Variants in TAFA2 observed in about 807,000 individuals in gnomAD.
The protein encoded by TAFA2 is TAFA chemokine like family member 2.
In TAFA2, 7 loss-of-function variants were observed where a neutral mutation model predicts 18.8. The observed-to-expected ratio is 0.37, with a 90% confidence interval of 0.21 to 0.70. The LOEUF (loss-of-function observed/expected upper bound fraction) is 0.70. TAFA2 is among the 30% of genes least tolerant of loss of function. The pLI, the probability that TAFA2 is intolerant of heterozygous loss-of-function variation, is 0.53. For missense variants in TAFA2, 122 were observed against 158.1 expected (o/e 0.77, Z 1.23); for synonymous variants, 60 against 54.2 (o/e 1.11, Z -0.47).
chr12:62,130,858 A>G (rs769221133), intron 1 of TAFA2, among the ~76,000 whole-genome samples: 5 of 152,002 alleles, frequency 3.3e-5, no homozygotes, highest in Non-Finnish European at 7.4e-5. Flanking sequence ...AGAAAATGGC[A>G]TGTTGAATAA....
At chr12:61,890,020 C>T (rs1036601457) in intron 1 of TAFA2, among the ~76,000 whole-genome samples, 1 of 152,188 alleles carries the variant, frequency 6.6e-6, no homozygotes, top group East Asian at 1.9e-4. Flanking sequence ...AAAATGAACA[C>T]CAAAAATAGC....
At chr12:61,755,072 T>C in intron 2 of TAFA2, 48 bp from the exon 3 acceptor site, 1 of 1,589,298 alleles carries the variant, frequency 6.3e-7, no homozygotes, top group Non-Finnish European at 8.6e-7. Context: ...CTTTGGACAC[T>C]TCCCCCCACC....
chr12:62,122,728 T>A (rs578241297), intron 1 of TAFA2, among the ~76,000 whole-genome samples: 1 of 152,180 alleles, frequency 6.6e-6, no homozygotes, highest in Non-Finnish European at 1.5e-5. Flanking sequence ...CCACTCACTG[T>A]TCCATATAAC....
intron 4 of TAFA2, among the ~76,000 whole-genome samples, chr12:61,733,492 G>T (rs111335439): frequency 1.3e-4 from 19 of 151,278 alleles, no homozygotes; most frequent in African/African-American, 4.4e-4. Flanking sequence ...TCTACATATG[G>T]CTAGCCAGTT....
At chr12:61,942,064 T>C (rs1878050470) in intron 1 of TAFA2, among the ~76,000 whole-genome samples, 1 of 151,628 alleles carries the variant, frequency 6.6e-6, no homozygotes, top group South Asian at 2.1e-4. Context: ...TCTGAAAGCC[T>C]TGAAGAGAGC....
chr12:62,161,582 T>C (rs950675366), intron 1 of TAFA2, among the ~76,000 whole-genome samples: 2 of 152,132 alleles, frequency 1.3e-5, no homozygotes, highest in Non-Finnish European at 2.9e-5. Context: ...TGCTGAGAGA[T>C]GACTTAATGG....
chr12:62,056,973 A>G (rs1882204145), intron 1 of TAFA2, among the ~76,000 whole-genome samples: 1 of 152,206 alleles, frequency 6.6e-6, no homozygotes, highest in African/African-American at 2.4e-5. Flanking sequence ...TTAGTCTCTC[A>G]TGCTGTCCTT....
intron 2 of TAFA2, among the ~76,000 whole-genome samples, chr12:61,783,216 A>G (rs559762296): frequency 3.3e-5 from 5 of 151,832 alleles, no homozygotes; most frequent in Non-Finnish European, 5.9e-5. Flanking sequence ...TCAGAAATAG[A>G]AAAAAACAAA....
intron 1 of TAFA2, among the ~76,000 whole-genome samples, chr12:62,163,341 AG>A (rs1425628726): frequency 6.6e-6 from 1 of 152,120 alleles, no homozygotes; most frequent in Non-Finnish European, 1.5e-5. Context: ...CATTGCTCTT[AG>A]GAGCTGGGTT....
At chr12:62,040,013 T>C (rs1461291221) in intron 1 of TAFA2, among the ~76,000 whole-genome samples, 2 of 152,188 alleles carry the variant, frequency 1.3e-5, no homozygotes, top group African/African-American at 2.4e-5. Context: ...CTTCTAGATG[T>C]TCATTTTAAT....
intron 4 of TAFA2, among the ~76,000 whole-genome samples, chr12:61,728,806 T>C: frequency 6.6e-6 from 1 of 151,976 alleles, no homozygotes; most frequent in Non-Finnish European, 1.5e-5. Context: ...ACCTTGATTT[T>C]TTTTTCATTG....
At chr12:62,184,388 C>T (rs1592388665) in intron 1 of TAFA2, among the ~76,000 whole-genome samples, 2 of 151,914 alleles carry the variant, frequency 1.3e-5, no homozygotes, top group Admixed American at 1.3e-4. Flanking sequence ...GCTAGATTTT[C>T]CTTGACTTCC....
chr12:61,930,462 T>G (rs1381034615), intron 1 of TAFA2, among the ~76,000 whole-genome samples: 6 of 152,202 alleles, frequency 3.9e-5, no homozygotes, highest in Non-Finnish European at 7.3e-5. Flanking sequence ...ACATGGATTG[T>G]CACATTCCTC....
At chr12:61,752,120 A>G (rs12424427) in intron 4 of TAFA2, among the ~76,000 whole-genome samples, 15,838 of 152,020 alleles carry the variant, frequency 0.1, 1,050 homozygotes, top group East Asian at 0.2. Context: ...GTTACATAAC[A>G]TTTGGAAGTT....
intron 1 of TAFA2, among the ~76,000 whole-genome samples, chr12:62,014,927 C>T (rs11174282): frequency 0.092 from 14,010 of 152,178 alleles, 789 homozygotes; most frequent in Middle Eastern, 0.2. Context: ...TCCATTTCAT[C>T]GTGGCAAATT....
At chr12:61,988,026 C>T (rs927467121) in intron 1 of TAFA2, among the ~76,000 whole-genome samples, 1 of 152,082 alleles carries the variant, frequency 6.6e-6, no homozygotes, top group Admixed American at 6.6e-5. Context: ...ATATGTGCTG[C>T]TGATGGATAC....
chr12:62,093,336 A>C (rs1463022898), intron 1 of TAFA2, among the ~76,000 whole-genome samples: 2 of 152,028 alleles, frequency 1.3e-5, no homozygotes, highest in Non-Finnish European at 2.9e-5. Flanking sequence ...TGGGTTTATC[A>C]AGGTAATATT....
intron 1 of TAFA2, among the ~76,000 whole-genome samples, chr12:62,001,789 A>G (rs1205323467): frequency 1.3e-5 from 2 of 152,198 alleles, no homozygotes; most frequent in African/African-American, 4.8e-5. Context: ...TTCACATTAT[A>G]TATCAAAAGT....
At chr12:61,836,456 A>G (rs1198547492) in intron 2 of TAFA2, among the ~76,000 whole-genome samples, 1 of 151,778 alleles carries the variant, frequency 6.6e-6, no homozygotes, top group Non-Finnish European at 1.5e-5. Flanking sequence ...ATCTCAGACA[A>G]AAGGCCTTAG....
Sources: gnomAD v4.1 joint callset for allele counts (sites outside exome capture counted in the v4.1 genomes callset) on GRCh38, gnomAD v4.1.1 for gene constraint, MANE v1.5 for transcripts, NCBI Gene and HGNC (gene_info 2026-07-23, HGNC 2026-07-21) for gene names.